GORASP2: variants seen among roughly 807,000 people sequenced by gnomAD.
The protein encoded by GORASP2 is golgi reassembly stacking protein 2.
A neutral mutation model predicts 45.7 loss-of-function variants in GORASP2; 22 were observed. The observed-to-expected ratio is 0.48, with a 90% CI of 0.34 to 0.69. GORASP2 has a LOEUF of 0.69. Ranked by LOEUF, GORASP2 falls within the 30% of genes least tolerant of loss-of-function variation. The probability of loss-of-function intolerance (pLI) is 0.01; values close to 1 mark genes in which losing one functional copy is unlikely to be tolerated. For missense variants in GORASP2, 491 were observed against 562.7 expected (o/e 0.87, Z 1.29); for synonymous variants, 221 against 215.6 (o/e 1.02, Z -0.22).
intron 1 of GORASP2, chr2:170,929,728 C>T (rs758529605): frequency 1.1e-4 from 61 of 569,916 alleles, no homozygotes; most frequent in Admixed American, 4.4e-5. Flanking sequence ...CCTCCACCCC[C>T]CCTCATTTTT....
intron 1 of GORASP2, among the ~76,000 whole-genome samples, chr2:170,931,034 A>G (rs1386817461): frequency 6.6e-6 from 1 of 152,024 alleles, no homozygotes; most frequent in Non-Finnish European, 1.5e-5. Context: ...AAGGATTCCA[A>G]CTTAGTGACT....
chr2:170,934,781 C>T (rs1055651575), intron 1 of GORASP2, among the ~76,000 whole-genome samples: 22 of 151,948 alleles, frequency 1.4e-4, no homozygotes, highest in Non-Finnish European at 2.1e-4. Context: ...TCTGTTGCCA[C>T]GGCTGGAGTG....
intron 1 of GORASP2, among the ~76,000 whole-genome samples, chr2:170,930,577 C>T (rs1191847204): frequency 3.3e-5 from 5 of 152,100 alleles, no homozygotes; most frequent in Admixed American, 3.3e-4. Flanking sequence ...TCTGATCTTC[C>T]GGATTATCGT....
chr2:170,966,065 T>A lies in GORASP2; in HGVS notation c.1294T>A (p.Ser432Thr), dbSNP rs1704681380. The change falls in exon 10 of 10, where the codon TCC becomes ACC. Residue 432 changes from serine to threonine, a missense_variant. Around this residue, in one of 2 missense-constraint regions of GORASP2, gnomAD observed 297 missense variants for 292.3 expected, o/e 1.02. Coordinates refer to ENST00000234160, the MANE Select transcript of GORASP2 (RefSeq NM_015530.5). ...CACCGTTGAGGACAGAGTCGGCGAC[T>A]CCACCCCAGTCAGCGAGAAGCCTGT... The part of the protein sequence containing the change: ...PTTVEDRVGD[S>T]TPVSEKPVSA... 1 of 1,613,960 alleles carries A rather than the reference T, an allele frequency of 6.2e-7. No individual in the cohort carries two copies. The highest frequency in any genetic ancestry group is 8.5e-7 in the Non-Finnish European group (1 of 1,179,996).
At chr2:170,963,756 C>T (rs1279174339) in intron 9 of GORASP2, among the ~76,000 whole-genome samples, 1 of 152,094 alleles carries the variant, frequency 6.6e-6, no homozygotes, top group Non-Finnish European at 1.5e-5. Context: ...CATCCTCTCA[C>T]CTCATCCTCC....
intron 2 of GORASP2, 79 bp from the exon 3 acceptor site, chr2:170,949,460 A>G: frequency 1.1e-6 from 1 of 879,914 alleles, no homozygotes; most frequent in Non-Finnish European, 1.8e-6. Flanking sequence ...TATTAATATT[A>G]CTCTTATAGG....
At chr2:170,957,969 C>T (rs1334376003) in intron 7 of GORASP2, among the ~76,000 whole-genome samples, 4 of 152,074 alleles carry the variant, frequency 2.6e-5, no homozygotes, top group Non-Finnish European at 4.4e-5. Flanking sequence ...TCATTAATAC[C>T]TTTTATTTCT....
chr2:170,934,370 C>CT (rs1207585400), intron 1 of GORASP2, among the ~76,000 whole-genome samples: 1 of 151,790 alleles, frequency 6.6e-6, no homozygotes, highest in African/African-American at 2.4e-5. Flanking sequence ...CCGGGTTCTC[C>CT]TGCCTCAGCC....
intron 1 of GORASP2, among the ~76,000 whole-genome samples, chr2:170,942,242 G>A (rs1037662749): frequency 6.6e-6 from 1 of 152,122 alleles, no homozygotes; most frequent in Non-Finnish European, 1.5e-5. Context: ...TTACATACCA[G>A]AAAGTTCAGA....
rs867610273 is a variant in GORASP2, at chr2:170,954,876, A to G, written c.699+94A>G. On this transcript the variant is annotated intron_variant, in intron 6 of 9. Coordinates refer to ENST00000234160, the MANE Select transcript of GORASP2 (RefSeq NM_015530.5). ...ACTATATGGCAGTAGCACTATGAAA[A>G]TAGGGTAGACGATGAGTTAAGTATT... is the stretch of plus-strand genomic sequence containing the variant. 1.1e-5 allele frequency: 10 copies of G among 926,994 alleles called. No individual in the cohort carries two copies. The Middle Eastern group carries it at 1.4e-3, about 132-fold the overall frequency. The allele number at this position is 926,994 out of a possible 1,614,324, so 57.4% of individuals were successfully genotyped here.
At chr2:170,944,866 G>A (rs1315501501) in intron 1 of GORASP2, among the ~76,000 whole-genome samples, 1 of 152,068 alleles carries the variant, frequency 6.6e-6, no homozygotes, top group African/African-American at 2.4e-5. Flanking sequence ...ATTAGATGTG[G>A]GCTTTATTAG....
chr2:170,962,483 A>G (rs959498753), intron 8 of GORASP2, among the ~76,000 whole-genome samples: 10 of 152,244 alleles, frequency 6.6e-5, no homozygotes, highest in African/African-American at 2.2e-4. Flanking sequence ...GTAAACCTCA[A>G]CCATCAAAGA....
chr2:170,965,692 G>C, intron 9 of GORASP2, 98 bp from the exon 10 acceptor site: 1 of 870,692 alleles, frequency 1.1e-6, no homozygotes, highest in Admixed American at 1.9e-5. Flanking sequence ...CTCAACTTCA[G>C]TTTCCTTAAT....
At position 170,950,310 on chromosome 2, in the gene GORASP2, A is replaced by G; in HGVS notation, c.435+20A>G. 1 of 1,215,736 alleles carries G rather than the reference A, an allele frequency of 8.2e-7. No homozygotes were observed. The allele number at this position is 1,215,736 out of a possible 1,614,324, so 75.3% of individuals were successfully genotyped here. On this transcript the variant is annotated intron_variant, in intron 4 of 9. Transcript: ENST00000234160. The stretch of plus-strand genomic sequence containing the variant: ...AATGAGGTAATTCGTGTGTTTATTC[A>G]TAGTGAGAACTATATAAAATTTTCT...
Position 170,929,262 on chromosome 2 carries a change from G to A in GORASP2, c.-79G>A, listed in dbSNP as rs537904622. On this transcript the variant is annotated 5_prime_UTR_variant, in exon 1 of 10. Transcript: ENST00000234160. ...GCGAGTGCCACGTCCCAAGTGCTAC[G>A]CGGAGGATTAGAGCAGGCGGTGCGC... 64 of 1,149,126 alleles carry A rather than the reference G, an allele frequency of 5.6e-5. 1 individual carries two copies. The African/African-American group carries it at 9.9e-4, about 18-fold the overall frequency. The allele number at this position is 1,149,126 out of a possible 1,614,324, so 71.2% of individuals were successfully genotyped here. A position where few individuals can be genotyped will look rare whatever the true frequency, so the allele number is the denominator to read the frequency against.
chr2:170,966,283 GT>G lies in GORASP2; in HGVS notation c.*154del. 1.5e-6 allele frequency: 1 copy of G among 648,126 alleles called. No homozygotes were observed. The highest frequency in any genetic ancestry group is 2.7e-6 in the Non-Finnish European group (1 of 364,798). 40.1% of individuals were successfully genotyped at this position (648,126 alleles called of 1,614,324 possible). On this transcript the variant is annotated 3_prime_UTR_variant, in exon 10 of 10. Coordinates refer to ENST00000234160, the MANE Select transcript of GORASP2 (RefSeq NM_015530.5). ...GGAAAACTAAACGAGGACGTGGGTT[GT>G]ATCCTGCCAGGTTGAGTGGGGCTCA...
At chr2:170,929,914 A>C (rs781693388) in intron 1 of GORASP2, 18 of 377,460 alleles carry the variant, frequency 4.8e-5, no homozygotes, top group Admixed American at 2.4e-4. Flanking sequence ...CCAGCAGGGC[A>C]GGAGACGGAA....
At position 170,961,743 on chromosome 2, in the gene GORASP2, T is replaced by G; in HGVS notation, c.904T>G (p.Leu302Val). ...GCCACCAATGAATCCAGCTACTACA[T>G]TACCAGGTAACCACCAGGGGACTAG... ...SVPPMNPATT[L>V]PGLMPLPAGL... The change falls in exon 8 of 10, where the codon TTA becomes GTA. Residue 302 changes from leucine to valine, a missense_variant. Physicochemically the swap from Leu to Val is conservative, Grantham distance 32. This residue lies in a region of GORASP2 where 297 missense variants were observed against 292.3 expected (regional missense o/e 1.02). Transcript: ENST00000234160. 1 of 1,539,790 alleles carries G rather than the reference T, an allele frequency of 6.5e-7. No homozygotes were observed. The highest frequency in any genetic ancestry group is 1.1e-5 in the South Asian group (1 of 89,584).
rs1017466902 is a variant in GORASP2, at chr2:170,965,690, C to A, written c.1019-100C>A. On this transcript the variant is annotated intron_variant, in intron 9 of 9. Coordinates refer to ENST00000234160, the MANE Select transcript of GORASP2 (RefSeq NM_015530.5). ...GTGATTTGTGTTACCTCCTCAACTT[C>A]AGTTTCCTTAATGAAATGTAAATAA... is the stretch of plus-strand genomic sequence containing the variant. The A allele has an allele frequency of 4.1e-5, 35 of 847,060 alleles. No homozygotes were observed. The African/African-American group carries it at 4.5e-4, about 11-fold the overall frequency. 52.5% of individuals were successfully genotyped at this position (847,060 alleles called of 1,614,324 possible).
Sources: allele counts gnomAD v4.1 joint callset (sites outside exome capture counted in the v4.1 genomes callset), GRCh38; gene constraint gnomAD v4.1.1; regional missense constraint gnomAD v4.1.1; transcripts MANE v1.5; gene names NCBI Gene and HGNC (gene_info 2026-07-23, HGNC 2026-07-21).